Variants in PPIE observed in about 807,000 individuals in gnomAD.
The protein encoded by PPIE is peptidylprolyl isomerase E, also known as peptidyl-prolyl cis-trans isomerase E.
A neutral mutation model predicts 38.4 loss-of-function variants in PPIE; 20 were observed. The ratio of observed to expected loss-of-function variants is 0.52; its 90% CI spans 0.37 to 0.76. PPIE has a LOEUF of 0.76. Ranked by LOEUF, PPIE falls within the 30% of genes least tolerant of loss-of-function variation. The probability of loss-of-function intolerance (pLI) is 0.00; values close to 1 mark genes in which losing one functional copy is unlikely to be tolerated. For missense variants in PPIE, 322 were observed against 385.8 expected (o/e 0.83, Z 1.39); for synonymous variants, 142 against 135.7 (o/e 1.05, Z -0.32).
At chr1:39,762,843 A>G (rs1295867647) in intron 9 of PPIE, among the ~76,000 whole-genome samples, 2 of 152,262 alleles carry the variant, frequency 1.3e-5, no homozygotes, top group African/African-American at 4.8e-5. Flanking sequence ...TGTTCGGTGC[A>G]TAGAACAGGC....
Position 39,753,744 on chromosome 1 carries a change from C to T in PPIE, c.*389C>T, listed in dbSNP as rs1367794400. The T allele has an allele frequency of 2.9e-6, 3 of 1,023,240 alleles. No individual in the cohort carries two copies. In the Admixed American group the frequency reaches 1.6e-4, roughly 53 times the overall value. The allele number at this position is 1,023,240 out of a possible 1,614,324, so 63.4% of individuals were successfully genotyped here. ...TCTTGGGAGTTGTCAGAGATTGTGT[C>T]TGTGGCTAAGCTGGACCTCTGAGGC... On this transcript the variant is annotated 3_prime_UTR_variant, in exon 10 of 10. Transcript: ENST00000324379.
chr1:39,760,334 G>T (rs953235830), downstream of PPIE: 2 of 1,578,946 alleles, frequency 1.3e-6, no homozygotes, highest in Non-Finnish European at 8.6e-7. Flanking sequence ...CCGGCCTGGG[G>T]TCTGGCTGGG....
At chr1:39,760,598 A>T (rs1648812826), downstream of PPIE, 1 of 1,608,288 alleles carries the variant, frequency 6.2e-7, no homozygotes, top group Admixed American at 1.7e-5. Context: ...AGGCAGGGGC[A>T]TGAGCCCAGT....
intron 4 of PPIE, 66 bp downstream of exon 4, chr1:39,741,987 A>G (rs960320498): frequency 5.1e-6 from 8 of 1,560,002 alleles, no homozygotes; most frequent in East Asian, 2.2e-5. Context: ...CCTTATTCAT[A>G]TATCAGTGTT....
chr1:39,743,344 G>T, intron 5 of PPIE, 47 bp downstream of exon 5: 1 of 1,551,946 alleles, frequency 6.4e-7, no homozygotes, highest in Non-Finnish European at 8.9e-7. Context: ...CTGCAGTTTG[G>T]CCTTAGTTGC....
In PPIE at chr1:39,753,866, C is replaced by G. The variant is rs1333568560; in HGVS notation, c.*511C>G. ...GATGTCAGGTGATGTATCTTCACACCAGGCATCGATGTCAGGGCAACGGAA... is the reference window on the plus strand; with the variant it reads ...GATGTCAGGTGATGTATCTTCACACGAGGCATCGATGTCAGGGCAACGGAA... On this transcript the variant is annotated 3_prime_UTR_variant, in exon 10 of 10. Coordinates refer to ENST00000324379, the MANE Select transcript of PPIE (RefSeq NM_006112.4). The G allele has an allele frequency of 1.5e-5, 15 of 985,910 alleles. No individual in the cohort carries two copies. The highest frequency in any genetic ancestry group is 1.0e-4 in the African/African-American group (6 of 57,216). 61.1% of individuals were successfully genotyped at this position (985,910 alleles called of 1,614,324 possible). A position where few individuals can be genotyped will look rare whatever the true frequency, so the allele number is the denominator to read the frequency against.
Position 39,742,352 on chromosome 1 carries a change from G to C in PPIE, c.201+431G>C, listed in dbSNP as rs557822341. The C allele has an allele frequency of 1.9e-5, 3 of 160,406 alleles. No individual in the cohort carries two copies. In the South Asian group the frequency reaches 5.4e-4, roughly 29 times the overall value. 9.9% of individuals were successfully genotyped at this position (160,406 alleles called of 1,614,324 possible). A position where few individuals can be genotyped will look rare whatever the true frequency, so the allele number is the denominator to read the frequency against. On this transcript the variant is annotated intron_variant, in intron 4 of 9. Coordinates refer to ENST00000324379, the MANE Select transcript of PPIE (RefSeq NM_006112.4). ...TTCTGGAAAGGTCCTTGGGAAAAAT[G>C]ATGATGCTCTTTAGTATTTGTGCCT...
In PPIE at chr1:39,762,601, A is replaced by T. The variant is rs774575422; in HGVS notation, c.838-1088A>T. ...AGAGAGAAACTGGGGGAAAAGCCAA[A>T]AGGTTGAGAGCCACACCATCTAGAA... On this transcript the variant is annotated intron_variant, in intron 9 of 9. Coordinates refer to the PPIE transcript ENST00000356511. 3.2e-6 allele frequency: 5 copies of T among 1,550,122 alleles called. No individual in the cohort carries two copies. The African/African-American group carries it at 4.1e-5, about 13-fold the overall frequency.
At chr1:39,743,005 T>C in intron 4 of PPIE, 1 of 483,304 alleles carries the variant, frequency 2.1e-6, no homozygotes, top group Non-Finnish European at 3.7e-6. Flanking sequence ...TTACTTTTGG[T>C]AATACAGGTC....
intron 9 of PPIE, chr1:39,762,628 C>T (rs1415423818): frequency 6.5e-7 from 1 of 1,547,460 alleles, no homozygotes; most frequent in East Asian, 2.4e-5. Context: ...CATCTAGAAG[C>T]TTCCTGCCTG....
Position 39,739,780 on chromosome 1 carries a change from G to A in PPIE, c.32-385G>A, listed in dbSNP as rs1647013406. Among the ~76,000 whole-genome samples the A allele has an allele frequency of 2.0e-5, 3 of 152,218 alleles. No homozygotes were observed. The South Asian group carries it at 6.2e-4, about 31-fold the overall frequency. ...TAGGAAGCAAAGCAAAAAAGCTGGA[G>A]AGGTGGGTACTGCTAAGGAGTTTGC... On this transcript the variant is annotated intron_variant, in intron 1 of 9. Coordinates refer to ENST00000324379, the MANE Select transcript of PPIE (RefSeq NM_006112.4).
In PPIE at chr1:39,754,735, A is replaced by G. The variant is rs1242470565; in HGVS notation, c.*1380A>G. On this transcript the variant is annotated 3_prime_UTR_variant, in exon 10 of 10. Transcript: ENST00000324379. ...AAGCCAGGTATGGTAGTGCACACCTATAGTCCCAGCTACTCAGAAGGCTGA... is the reference window on the plus strand; with the variant it reads ...AAGCCAGGTATGGTAGTGCACACCTGTAGTCCCAGCTACTCAGAAGGCTGA... Among the ~76,000 whole-genome samples the G allele has an allele frequency of 6.6e-6, 1 of 152,138 alleles. No homozygotes were observed. The highest frequency in any genetic ancestry group is 1.5e-5 in the Non-Finnish European group (1 of 68,012).
At chr1:39,746,752 GGGTC>G (rs1264886712) in intron 7 of PPIE, 2 of 152,150 alleles carry the variant, frequency 1.3e-5, no homozygotes, top group African/African-American at 4.8e-5. Context: ...CAGCTTTCTC[GGGTC>G]TGCTATATCA....
chr1:39,758,168 A>G (rs1488234753), downstream of PPIE: 1 of 152,236 alleles, frequency 6.6e-6, no homozygotes, highest in Non-Finnish European at 1.5e-5. Context: ...ACAATTGCCT[A>G]GAAGACCATC....
downstream of PPIE, chr1:39,760,454 G>A (rs537094534): frequency 2.7e-5 from 44 of 1,614,116 alleles, no homozygotes; most frequent in African/African-American, 9.3e-5. Flanking sequence ...ACCATGTTGC[G>A]GTGCTTGCGC....
At chr1:39,762,968 TGC>T in intron 9 of PPIE, 5 of 1,229,964 alleles carry the variant, frequency 4.1e-6, no homozygotes, top group Non-Finnish European at 5.9e-6. Context: ...TTACTGACTG[TGC>T]AGACAAAGCC....
intron 5 of PPIE, 70 bp from the exon 6 acceptor site, chr1:39,743,754 G>C (rs776619717): frequency 1.4e-4 from 181 of 1,306,068 alleles, no homozygotes; most frequent in Non-Finnish European, 4.3e-5. Context: ...CCACTTTGCT[G>C]ACCAAAGCAG....
In PPIE at chr1:39,755,720, G is replaced by A; in HGVS notation, c.*2365G>A. 1.0e-6 allele frequency: 1 copy of A among 985,394 alleles called. No homozygotes were observed. The highest frequency in any genetic ancestry group is 1.2e-6 in the Non-Finnish European group (1 of 829,914). 61.0% of individuals were successfully genotyped at this position (985,394 alleles called of 1,614,324 possible). On this transcript the variant is annotated 3_prime_UTR_variant, in exon 10 of 10. Transcript: ENST00000324379. Reference sequence around the variant, plus strand: ...TACTCTGGGGAGGTGGAGGCCAGTGGGCAGTTCTGAAAGCTCAGCAGGTTT... The same window carrying A: ...TACTCTGGGGAGGTGGAGGCCAGTGAGCAGTTCTGAAAGCTCAGCAGGTTT...
Position 39,753,426 on chromosome 1 carries a change from G to C in PPIE, c.*71G>C. 3 of 1,587,088 alleles carry C rather than the reference G, an allele frequency of 1.9e-6. No individual in the cohort carries two copies. The highest frequency in any genetic ancestry group is 2.6e-6 in the Non-Finnish European group (3 of 1,166,664). On this transcript the variant is annotated 3_prime_UTR_variant, in exon 10 of 10. Coordinates refer to ENST00000324379, the MANE Select transcript of PPIE (RefSeq NM_006112.4). Reference sequence around the variant, plus strand: ...CCAGGAAGGAACTGCCAGCCTCAGAGGAGGCAGCACCGAGGGTGCCTGTTT... The same window carrying C: ...CCAGGAAGGAACTGCCAGCCTCAGACGAGGCAGCACCGAGGGTGCCTGTTT...
Sources: gnomAD v4.1 joint callset for allele counts (sites outside exome capture counted in the v4.1 genomes callset) on GRCh38, gnomAD v4.1.1 for gene constraint, MANE v1.5 for transcripts, NCBI Gene and HGNC (gene_info 2026-07-23, HGNC 2026-07-21) for gene names.